RBM20: variants seen among roughly 807,000 people sequenced by gnomAD.
RBM20 encodes the protein RNA binding motif protein 20, also known as RNA-binding protein 20.
In RBM20, 51 loss-of-function variants were observed where a neutral mutation model predicts 110.1. The ratio of observed to expected loss-of-function variants is 0.46; its 90% confidence interval spans 0.37 to 0.59. The LOEUF (loss-of-function observed/expected upper bound fraction) is 0.59, where lower values mean the gene tolerates loss of function less well. Among genes scored for constraint, RBM20 ranks in the 20% least tolerant of loss-of-function variants. RBM20 has a pLI of 0.00. For synonymous variants in RBM20, 589 were observed against 618.2 expected (o/e 0.95, Z 0.70); for missense variants, 1,512 against 1,574.9 (o/e 0.96, Z 0.68).
intron 1 of RBM20, among the ~76,000 whole-genome samples, chr10:110,771,627 C>A (rs1844193428): frequency 6.6e-6 from 1 of 152,170 alleles, no homozygotes; most frequent in Non-Finnish European, 1.5e-5. Context: ...AGCAGAAGGG[C>A]ATTCTGAAGA....
rs960474640 is a variant in RBM20 at position 110,644,506 on chromosome 10, C to A, written c.52C>A (p.Gln18Lys). The A allele has an allele frequency of 3.1e-5, 48 of 1,526,430 alleles. No homozygotes were observed. Among genetic ancestry groups the A allele is most frequent in the Non-Finnish European group, 3.9e-5 (45 of 1,140,548 alleles). The allele number at this position is 1,526,430 out of a possible 1,614,324, so 94.6% of individuals were successfully genotyped here. A position where few individuals can be genotyped will look rare whatever the true frequency, so the allele number is the denominator to read the frequency against. ...SQDADPSGPE[Q>K]PDRVACSVPG... ...GGACGCGGACCCCAGCGGTCCGGAG[C>A]AGCCGGACAGAGTTGCCTGCAGTGT... is the stretch of plus-strand genomic sequence containing the variant. Residue 18 changes from glutamine (Q) to lysine (K), a missense_variant, in exon 1 of 14, where the codon CAG becomes AAG. Gln to Lys is a moderately conservative substitution (Grantham distance 53, BLOSUM62 1). Coordinates refer to ENST00000369519, the MANE Select transcript of RBM20 (RefSeq NM_001134363.3). This position sits in a 1 kb window ranked among gnomAD's most constrained non-coding sequence, Gnocchi z 4.3.
intron 9 of RBM20, among the ~76,000 whole-genome samples, chr10:110,816,398 C>A (rs1183783139): frequency 6.7e-6 from 1 of 149,574 alleles, no homozygotes; most frequent in African/African-American, 2.5e-5. Flanking sequence ...AACACCCCAA[C>A]CCACTCTTCT....
chr10:110,732,562 A>G lies in RBM20; in HGVS notation c.192-48239A>G, dbSNP rs911980855. Among the ~76,000 whole-genome samples, 18 of 152,232 alleles carry G rather than the reference A, an allele frequency of 1.2e-4. No homozygotes were observed. The South Asian group carries it at 3.5e-3, about 30-fold the overall frequency. ...TTCTTAGGTTCTGAAATCATTCCCT[A>G]AATTTCTTTTATTTCTCAAACTCCG... is the stretch of plus-strand genomic sequence containing the variant. On this transcript the variant is annotated intron_variant, in intron 1 of 13. Coordinates refer to ENST00000369519, the MANE Select transcript of RBM20 (RefSeq NM_001134363.3).
At chr10:110,805,184 G>A (rs1221733497) in intron 7 of RBM20, among the ~76,000 whole-genome samples, 5 of 152,220 alleles carry the variant, frequency 3.3e-5, no homozygotes, top group African/African-American at 1.2e-4. Context: ...TTAAACATGA[G>A]TGCATAAGTA....
chr10:110,731,567 G>A (rs954963568), intron 1 of RBM20, among the ~76,000 whole-genome samples: 6 of 152,128 alleles, frequency 3.9e-5, no homozygotes, highest in Non-Finnish European at 7.4e-5. Context: ...TTACAATTCT[G>A]TCATTTTCTA....
chr10:110,686,170 G>A (rs1289407453), intron 1 of RBM20, among the ~76,000 whole-genome samples: 2 of 152,166 alleles, frequency 1.3e-5, no homozygotes, highest in Admixed American at 6.5e-5. Context: ...AGCGCTACAT[G>A]ACAATGTCGT....
intron 2 of RBM20, among the ~76,000 whole-genome samples, chr10:110,783,062 A>G (rs1227205463): frequency 2.8e-4 from 30 of 107,340 alleles, no homozygotes; most frequent in African/African-American, 9.6e-4. Context: ...GGTGGGAGGT[A>G]GGTGGTGGGG....
intron 1 of RBM20, among the ~76,000 whole-genome samples, chr10:110,731,604 T>A (rs963600471): frequency 1.3e-5 from 2 of 152,208 alleles, no homozygotes; most frequent in African/African-American, 4.8e-5. Flanking sequence ...TAAAAAATAA[T>A]TTTTCAGAAG....
chr10:110,668,166 T>C (rs1862206791), intron 1 of RBM20, among the ~76,000 whole-genome samples: 1 of 152,194 alleles, frequency 6.6e-6, no homozygotes, highest in Non-Finnish European at 1.5e-5. Context: ...GAAGTCTTTC[T>C]TTAGATCCCC....
At chr10:110,816,317 C>G (rs1481127297) in intron 9 of RBM20, among the ~76,000 whole-genome samples, 1 of 150,240 alleles carries the variant, frequency 6.7e-6, no homozygotes, top group Non-Finnish European at 1.5e-5. Flanking sequence ...CCTCACCTCC[C>G]CCGACACTAC....
rs776692347 is a variant in RBM20 at position 110,781,029 on chromosome 10, G to A, written c.420G>A (p.Pro140=). 50 of 1,551,914 alleles carry A rather than the reference G, an allele frequency of 3.2e-5. 3 individuals carry two copies. In the South Asian group the frequency reaches 4.2e-4, roughly 13 times the overall value. ...CTCTCTTCAATCAACTGAGGCATCC[G>A]TCTGTGATCACTGGCCCCCACGGCC... ...SQPLFNQLRH[P]SVITGPHGHA... is the part of the protein sequence containing the mutation. Residue 140 remains proline (P), a synonymous_variant, in exon 2 of 14, where the codon CCG becomes CCA. Transcript: ENST00000369519.
At chr10:110,669,696 A>G (rs1008672708) in intron 1 of RBM20, among the ~76,000 whole-genome samples, 1 of 152,240 alleles carries the variant, frequency 6.6e-6, no homozygotes, top group African/African-American at 2.4e-5. Context: ...TGTTGGGATT[A>G]CAGGCATGAG....
At position 110,799,771 on chromosome 10, in the gene RBM20, T is replaced by C; in HGVS notation, c.1669-16T>C. The C allele has an allele frequency of 6.5e-7, 1 of 1,548,722 alleles. No individual in the cohort carries two copies. The highest frequency in any genetic ancestry group is 8.7e-7 in the Non-Finnish European group (1 of 1,145,596). On this transcript the variant is annotated splice_polypyrimidine_tract_variant and intron_variant, in intron 6 of 13. Coordinates refer to ENST00000369519, the MANE Select transcript of RBM20 (RefSeq NM_001134363.3). The stretch of plus-strand genomic sequence containing the variant: ...TTAAAGTCAAGTCCAGTGAGTGTCC[T>C]TCCTTTCTTTCTTAGGCCTTTTTAG...
chr10:110,652,399 T>G (rs1439954319), intron 1 of RBM20, among the ~76,000 whole-genome samples: 1 of 152,232 alleles, frequency 6.6e-6, no homozygotes, highest in Non-Finnish European at 1.5e-5. Context: ...GGTCTATTTT[T>G]TTAAAATTCA....
chr10:110,831,238 G>T (rs897213830), intron 13 of RBM20, 56 bp downstream of exon 13: 1 of 1,526,864 alleles, frequency 6.5e-7, no homozygotes. Context: ...CTCCATAACC[G>T]AGCCAGGTGT....
At chr10:110,662,088 A>G (rs934692193) in intron 1 of RBM20, among the ~76,000 whole-genome samples, 1 of 151,986 alleles carries the variant, frequency 6.6e-6, no homozygotes, top group East Asian at 1.9e-4. Context: ...AGGACGCTCA[A>G]GGGAGATGAT....
chr10:110,831,305 C>G (rs1219784504), intron 13 of RBM20, 123 bp downstream of exon 13: 3 of 1,009,422 alleles, frequency 3.0e-6, no homozygotes, highest in Non-Finnish European at 2.8e-6. Context: ...AAGGCCTACT[C>G]CAGGCCACAG....
intron 1 of RBM20, among the ~76,000 whole-genome samples, chr10:110,675,703 C>T (rs1166830868): frequency 6.6e-6 from 1 of 152,154 alleles, no homozygotes; most frequent in African/African-American, 2.4e-5. Context: ...TCTAAGGGAG[C>T]CCCGCCTTTC....
Position 110,723,973 on chromosome 10 carries a change from G to C in RBM20, c.192-56828G>C, listed in dbSNP as rs140586591. On this transcript the variant is annotated intron_variant, in intron 1 of 13. Transcript: ENST00000369519. ...TAATAATAGTATTCATTTGTTAGTA[G>C]ATGACAGACACTGTATTCTAAACAC... Among the ~76,000 whole-genome samples the C allele has an allele frequency of 2.9e-3, 436 of 152,228 alleles. 6 individuals are homozygous for C. The highest frequency in any genetic ancestry group is 9.7e-3 in the African/African-American group (403 of 41,538).
Sources: allele counts gnomAD v4.1 joint callset (sites outside exome capture counted in the v4.1 genomes callset), GRCh38; gene constraint gnomAD v4.1.1; non-coding constraint Gnocchi (gnomAD v3.1); transcripts MANE v1.5; gene names NCBI Gene and HGNC (gene_info 2026-07-23, HGNC 2026-07-21).